The following GLP2R variants were observed in gnomAD, a reference collection of about 807,000 sequenced individuals.
GLP2R encodes the protein glucagon like peptide 2 receptor.
In GLP2R, 59 loss-of-function variants were observed where a neutral mutation model predicts 68.2. That is an observed-to-expected ratio of 0.87 (90% CI 0.70 to 1.07). The LOEUF (loss-of-function observed/expected upper bound fraction) is 1.07, where lower values mean the gene tolerates loss of function less well. Ranked by LOEUF, GLP2R falls within the 50% of genes least tolerant of loss-of-function variation. The pLI, the probability that GLP2R is intolerant of heterozygous loss-of-function variation, is 0.00. For synonymous variants in GLP2R, 270 were observed against 265.4 expected (o/e 1.02, Z -0.17); for missense variants, 548 against 677.4 (o/e 0.81, Z 2.12).
At position 9,880,510 on chromosome 17, in the gene GLP2R, C is replaced by T; in HGVS notation, c.1278C>T (p.Ser426=). ...IRLFIQLTLS[S]FHGFLVALQY... ...TTTTCATTCAGTTGACACTGAGCTC[C>T]TTTCATGTAAGTAGAAATCTGAACC... Residue 426 remains serine, a synonymous_variant, in exon 11 of 13, where the codon TCC becomes TCT. Transcript: ENST00000262441. 6.3e-7 allele frequency: 1 copy of T among 1,588,134 alleles called. No individual in the cohort carries two copies. The highest frequency in any genetic ancestry group is 8.6e-7 in the Non-Finnish European group (1 of 1,164,644).
rs886352987 is a variant in GLP2R, at chr17:9,874,491, T to C, written c.1145+3656T>C. Reference sequence around the variant, plus strand: ...GCCTGAGCCAGAGTGAGACCCTTTTTCTTTAATAATAATAATAATAAAAGA... The same window carrying C: ...GCCTGAGCCAGAGTGAGACCCTTTTCCTTTAATAATAATAATAATAAAAGA... On this transcript the variant is annotated intron_variant, in intron 10 of 12. Transcript: ENST00000262441. Among the ~76,000 whole-genome samples, 4 of 152,076 alleles carry C rather than the reference T, an allele frequency of 2.6e-5. No homozygotes were observed. The East Asian group carries it at 7.7e-4, about 29-fold the overall frequency.
At chr17:9,876,175 C>G (rs1239557596) in intron 10 of GLP2R, among the ~76,000 whole-genome samples, 1 of 152,176 alleles carries the variant, frequency 6.6e-6, no homozygotes, top group African/African-American at 2.4e-5. Context: ...CTGCGCCCGG[C>G]CCGACAAGCA....
rs1462661458 is a variant in GLP2R at position 9,826,228 on chromosome 17, G to T, written c.165G>T (p.Leu55=). 3 of 1,602,254 alleles carry T rather than the reference G, an allele frequency of 1.9e-6. No homozygotes were observed. The highest frequency in any genetic ancestry group is 2.6e-6 in the Non-Finnish European group (3 of 1,176,280). The change falls in exon 1 of 13, where the codon CTG becomes CTT. Residue 55 remains leucine (L), a synonymous_variant. Coordinates refer to ENST00000262441, the MANE Select transcript of GLP2R (RefSeq NM_004246.3). ...LWAPGRPFLT[L]VLLVSIKQVT... ...CCCCTGGGAGGCCCTTCCTCACTCT[G>T]GTCCTGCTGGTTTCCATCAAGCAAG...
intron 1 of GLP2R, among the ~76,000 whole-genome samples, chr17:9,831,221 C>T (rs549773762): frequency 6.6e-5 from 10 of 152,144 alleles, no homozygotes; most frequent in African/African-American, 2.2e-4. Flanking sequence ...AGAGAGAAAA[C>T]CTTAAAGCCA....
intron 6 of GLP2R, among the ~76,000 whole-genome samples, chr17:9,859,239 T>C (rs981518425): frequency 6.6e-6 from 1 of 152,232 alleles, no homozygotes; most frequent in African/African-American, 2.4e-5. Context: ...TAGAAGTCTA[T>C]TTTCTAATTT....
At chr17:9,883,552 A>T (rs879547146) in intron 11 of GLP2R, among the ~76,000 whole-genome samples, 1 of 152,220 alleles carries the variant, frequency 6.6e-6, no homozygotes, top group Non-Finnish European at 1.5e-5. Context: ...TCATGCCTGG[A>T]AACATTACAG....
intron 6 of GLP2R, 91 bp from the exon 7 acceptor site, chr17:9,859,851 G>T (rs2066970578): frequency 1.6e-6 from 1 of 619,398 alleles, no homozygotes; most frequent in South Asian, 3.3e-5. Context: ...AAAAAAGAGG[G>T]AGAGGTTGTC....
At chr17:9,875,253 G>A (rs756822608) in intron 10 of GLP2R, among the ~76,000 whole-genome samples, 3 of 152,116 alleles carry the variant, frequency 2.0e-5, no homozygotes, top group Non-Finnish European at 4.4e-5. Flanking sequence ...CCCCAGCAGG[G>A]CATTGGCACC....
At chr17:9,848,688 A>G (rs1349295108) in intron 4 of GLP2R, among the ~76,000 whole-genome samples, 1 of 152,160 alleles carries the variant, frequency 6.6e-6, no homozygotes, top group Non-Finnish European at 1.5e-5. Context: ...TAACAAAAAA[A>G]ACAACTTCTG....
rs1448083833 is a variant in GLP2R at position 9,831,980 on chromosome 17, A to G, written c.190-1827A>G. ...CAGACCAGAATGCCCTTGGCCTTGC[A>G]TGCCAGCCAGTTATATAGCTGCCGT... On this transcript the variant is annotated intron_variant, in intron 1 of 12. Coordinates refer to ENST00000262441, the MANE Select transcript of GLP2R (RefSeq NM_004246.3). Among the ~76,000 whole-genome samples, 3 of 152,318 alleles carry G rather than the reference A, an allele frequency of 2.0e-5. No individual in the cohort carries two copies. The East Asian group carries it at 5.8e-4, about 29-fold the overall frequency.
At chr17:9,839,421 G>A (rs7208260) in intron 3 of GLP2R, among the ~76,000 whole-genome samples, 2 of 151,488 alleles carry the variant, frequency 1.3e-5, no homozygotes, top group Admixed American at 6.6e-5. Context: ...CTCCTTCTCC[G>A]CCTCTCTTCC....
At chr17:9,826,795 G>T (rs1280697691) in intron 1 of GLP2R, among the ~76,000 whole-genome samples, 1 of 152,142 alleles carries the variant, frequency 6.6e-6, no homozygotes, top group Non-Finnish European at 1.5e-5. Flanking sequence ...AACAGCTGCA[G>T]ATCATCCTCA....
chr17:9,866,939 C>T (rs2067043363), intron 9 of GLP2R: 1 of 152,146 alleles, frequency 6.6e-6, no homozygotes, highest in African/African-American at 2.4e-5. Flanking sequence ...CTGCACTAGA[C>T]TGTGACATAA....
intron 1 of GLP2R, among the ~76,000 whole-genome samples, chr17:9,826,617 C>T (rs1439851509): frequency 2.0e-5 from 3 of 152,192 alleles, no homozygotes; most frequent in African/African-American, 4.8e-5. Context: ...CTTCAGTATT[C>T]TCCCAGCTTT....
intron 12 of GLP2R, among the ~76,000 whole-genome samples, chr17:9,888,751 A>G (rs1288148874): frequency 6.6e-6 from 1 of 152,212 alleles, no homozygotes; most frequent in African/African-American, 2.4e-5. Context: ...ACAGGCATGA[A>G]CCATGAAGCC....
Position 9,833,846 on chromosome 17 carries a change from G to T in GLP2R, c.229G>T (p.Ala77Ser). ...SLLEETTRKW[A>S]QYKQACLRDL... The stretch of plus-strand genomic sequence containing the variant: ...CCTTGAGGAAACGACTCGGAAGTGG[G>T]CTCAGTACAAACAGGCATGTCTGAG... The change falls in exon 2 of 13, where the codon GCT (alanine) becomes TCT (serine). Residue 77 changes from alanine to serine, a missense_variant. By Grantham distance (99) the Ala-to-Ser change is moderately conservative. Coordinates refer to ENST00000262441, the MANE Select transcript of GLP2R (RefSeq NM_004246.3). 1 of 1,613,628 alleles carries T rather than the reference G, an allele frequency of 6.2e-7. No individual in the cohort carries two copies. Among genetic ancestry groups the T allele is most frequent in the Non-Finnish European group, 8.5e-7 (1 of 1,179,602 alleles).
At position 9,855,765 on chromosome 17, in the gene GLP2R, C is replaced by T. The variant is rs571755699; in HGVS notation, c.611+1164C>T. Among the ~76,000 whole-genome samples the T allele has an allele frequency of 3.3e-5, 5 of 152,290 alleles. No homozygotes were observed. The South Asian group carries it at 6.2e-4, about 19-fold the overall frequency. ...GATGAAGTAACTTGCCCAAGATCACCGGCTGGTGGGTGATGAAGCCAGGAT... is the reference window on the plus strand; with the variant it reads ...GATGAAGTAACTTGCCCAAGATCACTGGCTGGTGGGTGATGAAGCCAGGAT... On this transcript the variant is annotated intron_variant, in intron 5 of 12. Coordinates refer to ENST00000262441, the MANE Select transcript of GLP2R (RefSeq NM_004246.3).
chr17:9,843,612 A>C (rs1342145613), intron 4 of GLP2R, among the ~76,000 whole-genome samples: 1 of 152,062 alleles, frequency 6.6e-6, no homozygotes. Context: ...TTCTCTCCAC[A>C]TGTGTTCTTT....
At chr17:9,853,211 G>A (rs772298809) in intron 4 of GLP2R, 12 of 330,562 alleles carry the variant, frequency 3.6e-5, no homozygotes, top group East Asian at 6.9e-5. Flanking sequence ...ATCATTGTCC[G>A]CCTTAAAGGG....
Sources: gnomAD v4.1 joint callset for allele counts (sites outside exome capture counted in the v4.1 genomes callset) on GRCh38, gnomAD v4.1.1 for gene constraint, MANE v1.5 for transcripts, NCBI Gene and HGNC (gene_info 2026-07-23, HGNC 2026-07-21) for gene names.